SLC19A1: variants seen among roughly 807,000 people sequenced by gnomAD.
The protein encoded by SLC19A1 is reduced folate transporter.
SLC19A1 carries 37 observed loss-of-function variants against 35.3 expected under a neutral mutation model. That is an observed-to-expected ratio of 1.05 (90% CI 0.81 to 1.38). SLC19A1 has a LOEUF of 1.38. SLC19A1 is among the 40% of genes most tolerant of loss of function. The probability of loss-of-function intolerance (pLI) is 0.00; values close to 1 mark genes in which losing one functional copy is unlikely to be tolerated. For missense variants in SLC19A1, 831 were observed against 826.9 expected, an observed-to-expected ratio of 1.00 and a Z score of -0.06; for synonymous variants, 460 against 398.5, an observed-to-expected ratio of 1.15 and a Z score of -1.84.
At chr21:45,512,440 G>A (rs369684141), downstream of SLC19A1, 54 of 1,584,456 alleles carry the variant, frequency 3.4e-5, no homozygotes, top group South Asian at 1.1e-4. Context: ...CCGGCGGCTC[G>A]GAGGAAGCCC....
At chr21:45,535,419 A>T (rs192836914) in intron 2 of SLC19A1, among the ~76,000 whole-genome samples, 106 of 152,328 alleles carry the variant, frequency 7.0e-4, no homozygotes, top group African/African-American at 2.5e-3. Context: ...AGGAGGCAGA[A>T]AAGGGAACCA....
In SLC19A1 at chr21:45,537,905, C is replaced by T. The variant is rs2078181659; in HGVS notation, c.55G>A (p.Asp19Asn). ...TGCCGCCAGGACCGGAGCTCGGGGT[C>T]AGGCCCAGGTTCCACGGGCACCTGC... The part of the protein sequence containing the change: ...EKQVPVEPGP[D>N]PELRSWRHLV... Residue 19 changes from aspartate (D) to asparagine (N), a missense_variant, in exon 2 of 6, where the codon GAC becomes AAC. Asp to Asn is a conservative substitution (Grantham distance 23, BLOSUM62 1). Coordinates refer to ENST00000311124, the MANE Select transcript of SLC19A1 (RefSeq NM_194255.4). 2.5e-6 allele frequency: 4 copies of T among 1,596,298 alleles called. No homozygotes were observed. The highest frequency in any genetic ancestry group is 2.3e-5 in the South Asian group (2 of 88,756).
At chr21:45,512,150 A>G, downstream of SLC19A1, 2 of 1,589,004 alleles carry the variant, frequency 1.3e-6, no homozygotes, top group African/African-American at 2.7e-5. Flanking sequence ...TAAGCAGAGC[A>G]GGTCTGGGTT....
chr21:45,553,666 AGTCCCCC>A (rs1602949126), intron 1 of SLC19A1, among the ~76,000 whole-genome samples: 1 of 6,178 alleles, frequency 1.6e-4, no homozygotes, highest in Non-Finnish European at 2.8e-4. Context: ...CCCCCTTCCC[AGTCCCCC>A]ACACCCCATC....
chr21:45,540,047 C>T lies in SLC19A1; in HGVS notation c.-49-2039G>A, dbSNP rs927283289. Among the ~76,000 whole-genome samples, 4 of 152,154 alleles carry T rather than the reference C, an allele frequency of 2.6e-5. No homozygotes were observed. Among genetic ancestry groups the T allele is most frequent in the African/African-American group, 9.7e-5 (4 of 41,440 alleles). On this transcript the variant is annotated intron_variant, in intron 1 of 5. Transcript: ENST00000311124. This position sits in a 1 kb window ranked among gnomAD's most constrained non-coding sequence, Gnocchi z 5.5. ...CCGAGGCAGATCTGACGGTCGCCTGCCTCGGCCTCACCTTCCATGCCTCCT... is the reference window on the plus strand; with the variant it reads ...CCGAGGCAGATCTGACGGTCGCCTGTCTCGGCCTCACCTTCCATGCCTCCT...
intron 1 of SLC19A1, among the ~76,000 whole-genome samples, chr21:45,550,906 GCC>G (rs1310486100): frequency 1.0e-4 from 1 of 9,664 alleles, no homozygotes; most frequent in South Asian, 8.9e-3. Flanking sequence ...TCCCACCACC[GCC>G]CCCCACCCTC....
chr21:45,530,095 GTC>G lies in SLC19A1; in HGVS notation c.1151+673_1151+674del, dbSNP rs2077813062. Among the ~76,000 whole-genome samples, 2 of 150,468 alleles carry G rather than the reference GTC, an allele frequency of 1.3e-5. No individual in the cohort carries two copies. The highest frequency in any genetic ancestry group is 2.1e-4 in the South Asian group (1 of 4,718). ...TGTGGTGTGTGTTCGTGTGTGGTGT[GTC>G]TGTGTGGTGTATCCATCTGTGAGCG... is the stretch of plus-strand genomic sequence containing the variant. On this transcript the variant is annotated intron_variant, in intron 4 of 5. Coordinates refer to ENST00000311124, the MANE Select transcript of SLC19A1 (RefSeq NM_194255.4). The surrounding 1 kb of genome is among the most constrained non-coding windows in gnomAD (Gnocchi z 5.3).
intron 5 of SLC19A1, among the ~76,000 whole-genome samples, chr21:45,525,542 G>C (rs980483380): frequency 3.5e-4 from 53 of 152,352 alleles, no homozygotes; most frequent in African/African-American, 1.2e-3. Flanking sequence ...AGAGAGCGGA[G>C]ACAAGGACAG....
downstream of SLC19A1, among the ~76,000 whole-genome samples, chr21:45,509,020 G>A (rs1471622829): frequency 1.3e-5 from 2 of 152,254 alleles, no homozygotes; most frequent in East Asian, 1.9e-4. Context: ...TTAGAAGGTC[G>A]AAGGTCGCCG....
chr21:45,525,909 C>G lies in SLC19A1; in HGVS notation c.1201G>C (p.Gly401Arg), dbSNP rs750689365. ...LSKELCALVF[G>R]VNTFFATIVK... ...ATGGTGGCAAAGAACGTGTTGACCC[C>G]GAAGACCAGGGCACAGAGCTCTTTA... is the stretch of plus-strand genomic sequence containing the variant. The change falls in exon 5 of 6, where the codon GGG becomes CGG. Residue 401 changes from glycine (G) to arginine (R), a missense_variant. Coordinates refer to ENST00000311124, the MANE Select transcript of SLC19A1 (RefSeq NM_194255.4). 2.5e-6 allele frequency: 4 copies of G among 1,613,662 alleles called. No individual in the cohort carries two copies. The highest frequency in any genetic ancestry group is 1.7e-5 in the Admixed American group (1 of 60,032).
At chr21:45,529,597 G>T (rs930204824) in intron 4 of SLC19A1, among the ~76,000 whole-genome samples, 2 of 116,014 alleles carry the variant, frequency 1.7e-5, no homozygotes, top group Non-Finnish European at 3.5e-5. Context: ...GTCTCCATGT[G>T]TGAGCGTGTG....
rs909312953 is a variant in SLC19A1, at chr21:45,533,663, C to T, written c.190-1515G>A. 3.0e-4 allele frequency among the ~76,000 whole-genome samples: 45 copies of T among 152,110 alleles called. No individual in the cohort carries two copies. The highest frequency in any genetic ancestry group is 3.4e-3 in the Middle Eastern group (1 of 294). On this transcript the variant is annotated intron_variant, in intron 2 of 5. Coordinates refer to ENST00000311124, the MANE Select transcript of SLC19A1 (RefSeq NM_194255.4). The surrounding 1 kb of genome is among the most constrained non-coding windows in gnomAD (Gnocchi z 4.5). ...GACTCTGGGCCTCCAGCAGGCCCCACCCGACTCAGGCCTGACCACCAGTAA... is the reference window on the plus strand; with the variant it reads ...GACTCTGGGCCTCCAGCAGGCCCCATCCGACTCAGGCCTGACCACCAGTAA...
rs201062530 is a variant in SLC19A1, at chr21:45,531,526, G to A, written c.812C>T (p.Ser271Phe). 3 of 1,612,638 alleles carry A rather than the reference G, an allele frequency of 1.9e-6. No individual in the cohort carries two copies. Among genetic ancestry groups the A allele is most frequent in the East Asian group, 2.2e-5 (1 of 44,884 alleles). ...SLRRPQLRLW[S>F]LWWVFNSAGY... ...GGCCGAGTTGAAGACCCACCAGAGGGACCACAGGCGCAGCTGCGGCCGCCG... is the reference window on the plus strand; with the variant it reads ...GGCCGAGTTGAAGACCCACCAGAGGAACCACAGGCGCAGCTGCGGCCGCCG... Residue 271 changes from serine to phenylalanine, a missense_variant, in exon 3 of 6, where the codon TCC (serine) becomes TTC (phenylalanine). Coordinates refer to ENST00000311124, the MANE Select transcript of SLC19A1 (RefSeq NM_194255.4).
chr21:45,512,343 A>T (rs201489582), downstream of SLC19A1: 2 of 1,612,652 alleles, frequency 1.2e-6, no homozygotes, highest in Non-Finnish European at 1.7e-6. Context: ...GCGAGCTGCC[A>T]TCACGCCTAC....
At chr21:45,511,137 G>C (rs775914045), downstream of SLC19A1, 50 of 1,592,912 alleles carry the variant, frequency 3.1e-5, no homozygotes, top group East Asian at 1.1e-3. Flanking sequence ...CCAGCTGGGA[G>C]GCTCTGTTCT....
In SLC19A1 at chr21:45,531,371, G is replaced by A. The variant is rs1470210705; in HGVS notation, c.949+18C>T. Reference sequence around the variant, plus strand: ...AAGCCTCTGCGGGAAGAAGCCTCGGGGACCAGGGCATGCGTACCCAGCAGC... The same window carrying A: ...AAGCCTCTGCGGGAAGAAGCCTCGGAGACCAGGGCATGCGTACCCAGCAGC... On this transcript the variant is annotated intron_variant, in intron 3 of 5. Coordinates refer to ENST00000311124, the MANE Select transcript of SLC19A1 (RefSeq NM_194255.4). The A allele has an allele frequency of 1.9e-6, 3 of 1,548,650 alleles. No homozygotes were observed. Among genetic ancestry groups the A allele is most frequent in the Non-Finnish European group, 2.6e-6 (3 of 1,146,550 alleles).
chr21:45,543,152 G>A (rs927606084), upstream of SLC19A1, among the ~76,000 whole-genome samples: 8 of 152,228 alleles, frequency 5.3e-5, no homozygotes, highest in African/African-American at 1.4e-4. Flanking sequence ...CGCAGGCCTC[G>A]CAGACGGCAG....
downstream of SLC19A1, chr21:45,510,247 A>C: frequency 6.2e-7 from 1 of 1,605,404 alleles, no homozygotes; most frequent in South Asian, 1.1e-5. Flanking sequence ...AGCCGTGCCC[A>C]TCGTCAACCT....
downstream of SLC19A1, chr21:45,512,489 C>A (rs2037670117): frequency 1.7e-6 from 2 of 1,207,134 alleles, no homozygotes. Context: ...CCCCTGGCCC[C>A]AGGACCTGGC....
Sources: allele counts gnomAD v4.1 joint callset (sites outside exome capture counted in the v4.1 genomes callset), GRCh38; gene constraint gnomAD v4.1.1; non-coding constraint Gnocchi (gnomAD v3.1); transcripts MANE v1.5; gene names NCBI Gene and HGNC (gene_info 2026-07-23, HGNC 2026-07-21).